SNX29: variants seen among roughly 807,000 people sequenced by gnomAD.
SNX29 encodes sorting nexin 29, also known as sorting nexin-29.
A neutral mutation model predicts 102.1 loss-of-function variants in SNX29; 78 were observed. That is an observed-to-expected ratio of 0.76 (90% confidence interval 0.64 to 0.92). SNX29 has a LOEUF of 0.92. SNX29 is among the 40% of genes least tolerant of loss of function. The probability of loss-of-function intolerance (pLI) is 0.00; values close to 1 mark genes in which losing one functional copy is unlikely to be tolerated. For missense variants in SNX29, 1,280 were observed against 1,061.7 expected, an observed-to-expected ratio of 1.21 and a Z score of -2.86; for synonymous variants, 580 against 414.5, an observed-to-expected ratio of 1.40 and a Z score of -4.85.
At chr16:12,192,773 G>A (rs564635742) in intron 13 of SNX29, among the ~76,000 whole-genome samples, 58 of 152,230 alleles carry the variant, frequency 3.8e-4, no homozygotes, top group Non-Finnish European at 7.2e-4. Flanking sequence ...CACGATCTCG[G>A]CTCACTGCAA....
At chr16:12,551,977 GC>G (rs1161054329) in intron 20 of SNX29, among the ~76,000 whole-genome samples, 1 of 152,182 alleles carries the variant, frequency 6.6e-6, no homozygotes, top group Non-Finnish European at 1.5e-5. Context: ...CCAACACAGT[GC>G]CATGTCAAAG....
At chr16:12,064,236 G>GGCC (rs1367118328) in intron 9 of SNX29, among the ~76,000 whole-genome samples, 1 of 152,044 alleles carries the variant, frequency 6.6e-6, no homozygotes, top group Admixed American at 6.6e-5. Context: ...CGCTTAGCTG[G>GGCC]GCCTCCTGAA....
chr16:12,323,750 G>C (rs1389355134), intron 15 of SNX29, among the ~76,000 whole-genome samples: 1 of 152,162 alleles, frequency 6.6e-6, no homozygotes, highest in Non-Finnish European at 1.5e-5. Context: ...TGGAGTTTGA[G>C]TGCCATTTTT....
At chr16:12,540,229 G>C (rs974398032) in intron 20 of SNX29, among the ~76,000 whole-genome samples, 1 of 152,096 alleles carries the variant, frequency 6.6e-6, no homozygotes, top group Non-Finnish European at 1.5e-5. Flanking sequence ...TACTTCCTGT[G>C]GCTGACCCGC....
intron 13 of SNX29, among the ~76,000 whole-genome samples, chr16:12,149,919 A>AGG (rs1287074702): frequency 1.3e-5 from 2 of 152,098 alleles, no homozygotes; most frequent in African/African-American, 4.8e-5. Flanking sequence ...GTTTGTGCCA[A>AGG]GGGGGAGAGG....
intron 19 of SNX29, among the ~76,000 whole-genome samples, chr16:12,491,551 T>A (rs1399346117): frequency 6.6e-6 from 1 of 152,206 alleles, no homozygotes; most frequent in Admixed American, 6.5e-5. Context: ...TATTATACTT[T>A]AAGTTTTAGG....
At chr16:12,242,311 G>A (rs1442395653) in intron 14 of SNX29, among the ~76,000 whole-genome samples, 2 of 147,620 alleles carry the variant, frequency 1.4e-5, no homozygotes, top group Non-Finnish European at 3.0e-5. Flanking sequence ...TTTATTTATA[G>A]TGGCATTAGA....
chr16:12,137,716 C>G (rs551954898), intron 13 of SNX29, among the ~76,000 whole-genome samples: 2 of 152,312 alleles, frequency 1.3e-5, no homozygotes, highest in South Asian at 4.1e-4. Flanking sequence ...AAGGACAGTA[C>G]ATTTCTTCAG....
intron 18 of SNX29, 33 bp downstream of exon 18, chr16:12,403,562 C>T (rs1209702366): frequency 1.3e-6 from 2 of 1,574,130 alleles, no homozygotes; most frequent in Non-Finnish European, 8.6e-7. Flanking sequence ...GACATCACAG[C>T]TGGGTGGAAA....
intron 13 of SNX29, among the ~76,000 whole-genome samples, chr16:12,180,081 C>T (rs539192419): frequency 2.7e-4 from 41 of 152,168 alleles, no homozygotes; most frequent in Non-Finnish European, 5.1e-4. Flanking sequence ...TTGGTTTCTT[C>T]TCCAGGGGCT....
chr16:12,134,295 T>C (rs1425655091), intron 13 of SNX29, among the ~76,000 whole-genome samples: 5 of 152,216 alleles, frequency 3.3e-5, no homozygotes, highest in Non-Finnish European at 5.9e-5. Flanking sequence ...ATCCTCAAAC[T>C]TGGTTGCTGA....
chr16:12,339,222 T>G (rs1157378387), intron 15 of SNX29, among the ~76,000 whole-genome samples: 2 of 151,864 alleles, frequency 1.3e-5, no homozygotes, highest in Non-Finnish European at 2.9e-5. Context: ...ATAAAAACAA[T>G]TAGCCAGGCG....
intron 20 of SNX29, among the ~76,000 whole-genome samples, chr16:12,540,792 C>G (rs1034239865): frequency 3.9e-4 from 59 of 152,324 alleles, no homozygotes; most frequent in Admixed American, 3.7e-3. Flanking sequence ...TGCTTGAGGA[C>G]TGCTCAAGGC....
At chr16:12,159,667 C>T (rs981118691) in intron 13 of SNX29, among the ~76,000 whole-genome samples, 2 of 152,074 alleles carry the variant, frequency 1.3e-5, no homozygotes, top group Admixed American at 6.5e-5. Context: ...TGAGACCAGC[C>T]TGGGCAACAT....
At chr16:12,403,684 G>A (rs926301410) in intron 18 of SNX29, among the ~76,000 whole-genome samples, 155 bp downstream of exon 18, 4 of 152,200 alleles carry the variant, frequency 2.6e-5, no homozygotes, top group African/African-American at 4.8e-5. Context: ...AGGCCTTGCC[G>A]AAGAAGTCTG....
chr16:12,480,282 G>T (rs1042120086), intron 19 of SNX29, among the ~76,000 whole-genome samples: 1 of 152,150 alleles, frequency 6.6e-6, no homozygotes, highest in African/African-American at 2.4e-5. Flanking sequence ...TCCTTCTGGA[G>T]CCCCAGGAGA....
Position 12,057,290 on chromosome 16 carries a change from C to T in SNX29, c.1125-4238C>T, listed in dbSNP as rs111755487. ...CTCCATATTTTGCCCATCATATTTG[C>T]GGAGACCTTGGGTTGGCGCCCTGGT... On this transcript the variant is annotated intron_variant, in intron 8 of 20. Transcript: ENST00000566228. Among the ~76,000 whole-genome samples, 108 of 152,258 alleles carry T rather than the reference C, an allele frequency of 7.1e-4. 1 individual carries two copies. Among genetic ancestry groups the T allele is most frequent in the African/African-American group, 2.4e-3 (98 of 41,544 alleles).
At chr16:12,076,130 A>T (rs908155491) in intron 10 of SNX29, among the ~76,000 whole-genome samples, 1 of 152,100 alleles carries the variant, frequency 6.6e-6, no homozygotes, top group African/African-American at 2.4e-5. Context: ...GAGTGAGGCA[A>T]TGCCTCACCC....
intron 19 of SNX29, among the ~76,000 whole-genome samples, chr16:12,513,853 G>T (rs2089744552): frequency 6.6e-6 from 1 of 152,228 alleles, no homozygotes; most frequent in Admixed American, 6.5e-5. Flanking sequence ...CACCATGCCC[G>T]ACTATTTGTT....
Sources: gnomAD v4.1 joint callset for allele counts (sites outside exome capture counted in the v4.1 genomes callset) on GRCh38, gnomAD v4.1.1 for gene constraint, MANE v1.5 for transcripts, NCBI Gene and HGNC (gene_info 2026-07-23, HGNC 2026-07-21) for gene names.